Variants in THSD7B observed in about 807,000 individuals in gnomAD.
The protein encoded by THSD7B is thrombospondin type-1 domain-containing protein 7B.
THSD7B carries 138 observed loss-of-function variants against 213.6 expected under a neutral mutation model. That is an observed-to-expected ratio of 0.65 (90% CI 0.56 to 0.74). THSD7B has a LOEUF of 0.74. THSD7B is among the 30% of genes least tolerant of loss of function. The probability of loss-of-function intolerance (pLI) is 0.00; values close to 1 mark genes in which losing one functional copy is unlikely to be tolerated. For missense variants in THSD7B, 1,931 were observed against 1,991.5 expected, an observed-to-expected ratio of 0.97 and a Z score of 0.58; for synonymous variants, 742 against 687.0, an observed-to-expected ratio of 1.08 and a Z score of -1.25.
At chr2:136,824,198 G>A (rs1205520750) in intron 1 of THSD7B, among the ~76,000 whole-genome samples, 1 of 151,936 alleles carries the variant, frequency 6.6e-6, no homozygotes, top group Non-Finnish European at 1.5e-5. Context: ...TCACTTCTCT[G>A]CTTTTAAAAA....
At chr2:137,133,243 C>A (rs1688774498) in intron 5 of THSD7B, among the ~76,000 whole-genome samples, 1 of 152,120 alleles carries the variant, frequency 6.6e-6, no homozygotes, top group Non-Finnish European at 1.5e-5. Flanking sequence ...TGTAGTAAGG[C>A]CCCGAATAAT....
chr2:137,084,466 A>G (rs1028637828), intron 3 of THSD7B, among the ~76,000 whole-genome samples: 1 of 152,186 alleles, frequency 6.6e-6, no homozygotes, highest in Non-Finnish European at 1.5e-5. Flanking sequence ...CGTTGGGCAC[A>G]AATCTATGTA....
At chr2:137,353,260 G>T (rs1685053586) in intron 12 of THSD7B, among the ~76,000 whole-genome samples, 2 of 152,006 alleles carry the variant, frequency 1.3e-5, no homozygotes, top group South Asian at 4.1e-4. Context: ...GCCAACTTAG[G>T]GAGAAATAGA....
At chr2:137,507,786 C>T (rs917238698) in intron 15 of THSD7B, among the ~76,000 whole-genome samples, 3 of 149,118 alleles carry the variant, frequency 2.0e-5, no homozygotes, top group Non-Finnish European at 4.4e-5. Flanking sequence ...TGCTTTTGTC[C>T]TTCCTTCCTT....
intron 15 of THSD7B, among the ~76,000 whole-genome samples, chr2:137,451,803 C>T (rs1258023660): frequency 6.6e-6 from 1 of 151,996 alleles, no homozygotes; most frequent in South Asian, 2.1e-4. Context: ...AGGTTGAGTA[C>T]AAGATGATTT....
intron 7 of THSD7B, among the ~76,000 whole-genome samples, chr2:137,226,611 C>T (rs1190843810): frequency 6.6e-6 from 1 of 151,612 alleles, no homozygotes; most frequent in Non-Finnish European, 1.5e-5. Flanking sequence ...TGGAAATGGG[C>T]AGGTATTAGA....
chr2:137,165,895 T>C (rs1032410813), intron 6 of THSD7B, among the ~76,000 whole-genome samples: 9 of 152,102 alleles, frequency 5.9e-5, no homozygotes, highest in African/African-American at 2.2e-4. Context: ...ATTTTTCTCC[T>C]CTCTAGGCTT....
intron 2 of THSD7B, among the ~76,000 whole-genome samples, chr2:137,017,221 G>T (rs1303196567): frequency 2.0e-5 from 3 of 151,430 alleles, no homozygotes; most frequent in Non-Finnish European, 4.4e-5. Flanking sequence ...TAACAAAAAA[G>T]AAAACAGCAA....
intron 1 of THSD7B, among the ~76,000 whole-genome samples, chr2:136,851,933 CTA>C (rs35929047): frequency 6.8e-6 from 1 of 148,012 alleles, no homozygotes. Flanking sequence ...CAATACACAA[CTA>C]TATATATATA....
At chr2:137,184,347 G>A (rs1680512060) in intron 7 of THSD7B, among the ~76,000 whole-genome samples, 1 of 152,130 alleles carries the variant, frequency 6.6e-6, no homozygotes, top group Non-Finnish European at 1.5e-5. Context: ...TGGCCATTAA[G>A]TTTTAACTCA....
chr2:136,893,666 T>G (rs1389177947), intron 2 of THSD7B, among the ~76,000 whole-genome samples: 1 of 152,192 alleles, frequency 6.6e-6, no homozygotes, highest in Non-Finnish European at 1.5e-5. Flanking sequence ...TTTATTGGAA[T>G]CAAAGTTTTT....
intron 14 of THSD7B, among the ~76,000 whole-genome samples, chr2:137,440,210 T>G (rs558276750): frequency 1.3e-5 from 2 of 152,280 alleles, no homozygotes; most frequent in East Asian, 3.9e-4. Context: ...CACTTAAATT[T>G]GCATTTATAA....
intron 12 of THSD7B, among the ~76,000 whole-genome samples, chr2:137,287,642 C>T (rs530088864): frequency 1.5e-4 from 23 of 152,204 alleles, no homozygotes; most frequent in African/African-American, 5.5e-4. Context: ...GAGATGCTGT[C>T]CTGTGCCAGC....
At chr2:137,027,270 A>G (rs900666350) in intron 2 of THSD7B, among the ~76,000 whole-genome samples, 23 of 152,158 alleles carry the variant, frequency 1.5e-4, no homozygotes, top group African/African-American at 5.5e-4. Context: ...CTTAGAGAGC[A>G]GTCTAGGGAA....
At chr2:136,857,703 G>A (rs1011329678) in intron 1 of THSD7B, among the ~76,000 whole-genome samples, 6 of 152,168 alleles carry the variant, frequency 3.9e-5, no homozygotes, top group African/African-American at 1.4e-4. Flanking sequence ...TGTATCTGAA[G>A]TAGTGATTTG....
At chr2:137,457,490 C>T (rs1687785428) in intron 15 of THSD7B, among the ~76,000 whole-genome samples, 1 of 152,144 alleles carries the variant, frequency 6.6e-6, no homozygotes, top group Non-Finnish European at 1.5e-5. Context: ...GGGAGTCTTT[C>T]ACTGTCCTCC....
intron 14 of THSD7B, among the ~76,000 whole-genome samples, chr2:137,432,596 C>T (rs555243791): frequency 5.9e-5 from 9 of 152,246 alleles, no homozygotes; most frequent in Admixed American, 5.2e-4. Flanking sequence ...TCCATTTGGC[C>T]ACTAAACACT....
intron 4 of THSD7B, among the ~76,000 whole-genome samples, chr2:137,112,404 G>T (rs948563532): frequency 2.6e-5 from 4 of 151,822 alleles, no homozygotes; most frequent in African/African-American, 9.7e-5. Flanking sequence ...TTCTCTAAAG[G>T]ATTTATCATT....
At chr2:137,321,604 T>C (rs1180591931) in intron 12 of THSD7B, among the ~76,000 whole-genome samples, 1 of 152,162 alleles carries the variant, frequency 6.6e-6, no homozygotes, top group African/African-American at 2.4e-5. Flanking sequence ...CAACCAATCA[T>C]AGGCACTTTA....
Sources: gnomAD v4.1 joint callset for allele counts (sites outside exome capture counted in the v4.1 genomes callset) on GRCh38, gnomAD v4.1.1 for gene constraint, MANE v1.5 for transcripts, NCBI Gene and HGNC (gene_info 2026-07-23, HGNC 2026-07-21) for gene names.